Variants in PDZRN4 observed in about 807,000 individuals in gnomAD.
PDZRN4 encodes the protein PDZ domain containing ring finger 4.
A neutral mutation model predicts 99.0 loss-of-function variants in PDZRN4; 70 were observed. The ratio of observed to expected loss-of-function variants is 0.71; its 90% CI spans 0.58 to 0.86. PDZRN4 has a LOEUF of 0.86. PDZRN4 is among the 40% of genes least tolerant of loss of function. PDZRN4 has a pLI of 0.00. For synonymous variants in PDZRN4, 551 were observed against 501.6 expected, an observed-to-expected ratio of 1.10 and a Z score of -1.32; for missense variants, 1,474 against 1,331.2, an observed-to-expected ratio of 1.11 and a Z score of -1.67.
At chr12:41,215,481 G>A (rs537451396) in intron 3 of PDZRN4, among the ~76,000 whole-genome samples, 37 of 151,956 alleles carry the variant, frequency 2.4e-4, no homozygotes, top group Admixed American at 1.2e-3. Flanking sequence ...AAATTATCAC[G>A]AGTGATATGT....
chr12:41,221,893 C>T (rs550368529), intron 3 of PDZRN4, among the ~76,000 whole-genome samples: 1 of 152,210 alleles, frequency 6.6e-6, no homozygotes, highest in Non-Finnish European at 1.5e-5. Context: ...GGATACTCAT[C>T]GAGACATATT....
intron 3 of PDZRN4, among the ~76,000 whole-genome samples, chr12:41,252,733 C>G (rs1951179232): frequency 6.6e-6 from 1 of 151,982 alleles, no homozygotes; most frequent in Middle Eastern, 3.4e-3. Context: ...CAGCAAGACT[C>G]TGAATAAAAA....
At chr12:41,444,513 T>C (rs1952707157) in intron 3 of PDZRN4, among the ~76,000 whole-genome samples, 1 of 152,138 alleles carries the variant, frequency 6.6e-6, no homozygotes, top group South Asian at 2.1e-4. Context: ...CACTATATTC[T>C]CAGCATTGGC....
intron 3 of PDZRN4, among the ~76,000 whole-genome samples, chr12:41,231,196 G>C (rs1228054655): frequency 6.6e-6 from 1 of 152,094 alleles, no homozygotes; most frequent in Admixed American, 6.6e-5. Flanking sequence ...AGCTGATTTA[G>C]ACTTGATAAG....
chr12:41,354,886 C>T (rs1176608528), intron 3 of PDZRN4, among the ~76,000 whole-genome samples: 6 of 152,020 alleles, frequency 3.9e-5, no homozygotes, highest in Admixed American at 2.0e-4. Flanking sequence ...CAAGTAATAT[C>T]GTACATACCA....
chr12:41,419,423 C>A (rs1017940323), intron 3 of PDZRN4, among the ~76,000 whole-genome samples: 1 of 152,088 alleles, frequency 6.6e-6, no homozygotes, highest in Non-Finnish European at 1.5e-5. Flanking sequence ...GACAGCTGGT[C>A]CAGTAACTAT....
chr12:41,337,875 A>G (rs1190146990), intron 3 of PDZRN4, among the ~76,000 whole-genome samples: 1 of 152,108 alleles, frequency 6.6e-6, no homozygotes, highest in Non-Finnish European at 1.5e-5. Flanking sequence ...ATCAACATAG[A>G]TGACCTCATA....
At chr12:41,488,067 A>G (rs1267559945) in intron 3 of PDZRN4, among the ~76,000 whole-genome samples, 1 of 152,168 alleles carries the variant, frequency 6.6e-6, no homozygotes. Context: ...CCAAATAGTC[A>G]AGTACTATTT....
chr12:41,429,371 G>C (rs1952566267), intron 3 of PDZRN4, among the ~76,000 whole-genome samples: 1 of 152,194 alleles, frequency 6.6e-6, no homozygotes, highest in African/African-American at 2.4e-5. Flanking sequence ...CAGTGGAGTG[G>C]AGTAAGGTTA....
chr12:41,510,245 G>A (rs1475961034), intron 5 of PDZRN4, among the ~76,000 whole-genome samples: 2 of 151,966 alleles, frequency 1.3e-5, no homozygotes, highest in East Asian at 3.9e-4. Flanking sequence ...AACAAAGATT[G>A]TGTTTACTAT....
Position 41,194,141 on chromosome 12 carries a change from C to T in PDZRN4, c.796C>T (p.Pro266Ser). Reference protein sequence around the residue: ...IYVSKILENGPADRADGLEIH... With the variant: ...IYVSKILENGSADRADGLEIH... ...CGTTTCAAAAATTTTAGAAAATGGA[C>T]CTGCTGACAGAGCAGATGGCCTGGA... The change falls in exon 3 of 10, where the codon CCT becomes TCT. Residue 266 changes from proline to serine, a missense_variant. Pro to Ser is a moderately conservative substitution (Grantham distance 74, BLOSUM62 -1). Transcript: ENST00000402685. 6.4e-7 allele frequency: 1 copy of T among 1,571,898 alleles called. No homozygotes were observed. The highest frequency in any genetic ancestry group is 8.7e-7 in the Non-Finnish European group (1 of 1,154,794).
At chr12:41,525,404 A>T (rs1331905680) in intron 5 of PDZRN4, among the ~76,000 whole-genome samples, 1 of 152,224 alleles carries the variant, frequency 6.6e-6, no homozygotes, top group African/African-American at 2.4e-5. Flanking sequence ...CTGTGAAAAG[A>T]TAATATTAAT....
intron 3 of PDZRN4, among the ~76,000 whole-genome samples, chr12:41,225,657 T>C (rs1347730306): frequency 6.6e-6 from 1 of 152,152 alleles, no homozygotes; most frequent in Non-Finnish European, 1.5e-5. Context: ...TGACTCCAAG[T>C]GGTAAGATGT....
intron 9 of PDZRN4, among the ~76,000 whole-genome samples, chr12:41,571,370 TCTCTCTCACA>T (rs776507407): frequency 0.013 from 1,204 of 93,840 alleles, 6 homozygotes; most frequent in Admixed American, 0.023. Context: ...TCTCTCTCTC[TCTCTCTCACA>T]CACACACACA....
chr12:41,277,962 G>T (rs982340440), intron 3 of PDZRN4, among the ~76,000 whole-genome samples: 2 of 152,116 alleles, frequency 1.3e-5, no homozygotes, highest in Non-Finnish European at 2.9e-5. Flanking sequence ...TTAGTCCTCG[G>T]CAAAGAATTT....
At chr12:41,566,785 A>T (rs952669422) in intron 8 of PDZRN4, among the ~76,000 whole-genome samples, 1 of 152,162 alleles carries the variant, frequency 6.6e-6, no homozygotes, top group African/African-American at 2.4e-5. Flanking sequence ...TCAAACTATT[A>T]TCCATGTTTG....
intron 3 of PDZRN4, among the ~76,000 whole-genome samples, chr12:41,471,746 A>T (rs190104223): frequency 6.6e-6 from 1 of 151,126 alleles, no homozygotes; most frequent in African/African-American, 2.4e-5. Flanking sequence ...TAGGGTGATG[A>T]TTATAAACAT....
chr12:41,288,831 C>G (rs1951437964), intron 3 of PDZRN4, among the ~76,000 whole-genome samples: 1 of 152,018 alleles, frequency 6.6e-6, no homozygotes, highest in African/African-American at 2.4e-5. Context: ...TTTATATAAA[C>G]TTTGTTAAAC....
intron 3 of PDZRN4, chr12:41,437,865 G>T: frequency 6.2e-7 from 1 of 1,612,100 alleles, no homozygotes; most frequent in Non-Finnish European, 8.5e-7. Context: ...GTCAAGTCTG[G>T]AGGGTGATTC....
Sources: allele counts gnomAD v4.1 joint callset (sites outside exome capture counted in the v4.1 genomes callset), GRCh38; gene constraint gnomAD v4.1.1; transcripts MANE v1.5; gene names NCBI Gene and HGNC (gene_info 2026-07-23, HGNC 2026-07-21).